The following CHST9 variants were observed in gnomAD, a reference collection of about 807,000 sequenced individuals.
The protein encoded by CHST9 is carbohydrate sulfotransferase 9.
A neutral mutation model predicts 44.4 loss-of-function variants in CHST9; 41 were observed. The observed-to-expected ratio is 0.92, with a 90% CI of 0.72 to 1.20. CHST9 has a LOEUF of 1.20. Ranked by LOEUF, CHST9 falls within the 50% of genes most tolerant of loss-of-function variation. The pLI, the probability that CHST9 is intolerant of heterozygous loss-of-function variation, is 0.00. For synonymous variants in CHST9, 171 were observed against 178.4 expected (o/e 0.96, Z 0.33); for missense variants, 504 against 516.5 (o/e 0.98, Z 0.23).
chr18:26,982,321 A>AAGCTAAACT (rs985436377), intron 4 of CHST9, among the ~76,000 whole-genome samples: 15 of 150,128 alleles, frequency 1.0e-4, no homozygotes, highest in African/African-American at 3.5e-4. Flanking sequence ...AAATTTATCA[A>AAGCTAAACT]AGCTAAACTC....
chr18:27,037,749 A>C (rs1369225881), intron 3 of CHST9, among the ~76,000 whole-genome samples: 1 of 152,118 alleles, frequency 6.6e-6, no homozygotes, highest in Non-Finnish European at 1.5e-5. Flanking sequence ...GATTGGAGAC[A>C]CCTGTTTGCT....
chr18:26,986,775 A>T (rs952608284), intron 4 of CHST9, among the ~76,000 whole-genome samples: 2 of 152,204 alleles, frequency 1.3e-5, no homozygotes, highest in African/African-American at 4.8e-5. Context: ...TCTTTGAGTA[A>T]CAACTCTATA....
chr18:27,062,940 G>A (rs1047180708), intron 2 of CHST9, among the ~76,000 whole-genome samples: 1 of 152,076 alleles, frequency 6.6e-6, no homozygotes, highest in African/African-American at 2.4e-5. Context: ...TTTTACTGCC[G>A]GGAGCCAACC....
At chr18:27,109,376 T>C (rs2058250184) in intron 2 of CHST9, among the ~76,000 whole-genome samples, 1 of 152,188 alleles carries the variant, frequency 6.6e-6, no homozygotes, top group Non-Finnish European at 1.5e-5. Flanking sequence ...TATTTTTCTA[T>C]GGTATGAAAA....
intron 1 of CHST9, among the ~76,000 whole-genome samples, chr18:27,157,178 T>C (rs955555204): frequency 6.6e-6 from 1 of 152,104 alleles, no homozygotes. Flanking sequence ...TAGCAGTCAA[T>C]ACCTATTTGG....
chr18:27,066,563 T>A (rs997067632), intron 2 of CHST9, among the ~76,000 whole-genome samples: 1 of 151,982 alleles, frequency 6.6e-6, no homozygotes, highest in East Asian at 1.9e-4. Flanking sequence ...CCCAAAAGAG[T>A]TGGGATTATA....
At chr18:27,114,648 T>A (rs2058304128) in intron 2 of CHST9, among the ~76,000 whole-genome samples, 1 of 152,218 alleles carries the variant, frequency 6.6e-6, no homozygotes, top group African/African-American at 2.4e-5. Flanking sequence ...ACTAATCTAC[T>A]TTCTGTCTCT....
At chr18:27,155,088 A>T (rs1048096546) in intron 1 of CHST9, among the ~76,000 whole-genome samples, 1 of 31,134 alleles carries the variant, frequency 3.2e-5, no homozygotes, top group African/African-American at 9.6e-5. Context: ...TCAAAAGTTA[A>T]AAAAAAAAAA....
intron 4 of CHST9, among the ~76,000 whole-genome samples, chr18:27,017,570 A>C (rs1034826833): frequency 1.3e-5 from 2 of 152,178 alleles, no homozygotes; most frequent in Non-Finnish European, 1.5e-5. Context: ...TGAAATATGT[A>C]AGAAGTGGTT....
intron 5 of CHST9, among the ~76,000 whole-genome samples, chr18:26,924,367 G>A (rs1357012331): frequency 6.6e-6 from 1 of 152,036 alleles, no homozygotes; most frequent in Admixed American, 6.6e-5. Context: ...GTGGGTGTGG[G>A]CATTCACTAT....
At chr18:26,988,452 A>T (rs145121000) in intron 4 of CHST9, among the ~76,000 whole-genome samples, 7 of 152,308 alleles carry the variant, frequency 4.6e-5, no homozygotes, top group Admixed American at 4.6e-4. Context: ...AGGTATAAAG[A>T]AGGTCATATC....
intron 4 of CHST9, chr18:26,952,307 A>C (rs2056260296): frequency 1.9e-6 from 1 of 517,624 alleles, no homozygotes; most frequent in South Asian, 1.4e-5. Flanking sequence ...TACAATCCCC[A>C]TTGTGGATCT....
At chr18:26,997,668 A>G (rs1425065792) in intron 4 of CHST9, among the ~76,000 whole-genome samples, 1 of 152,212 alleles carries the variant, frequency 6.6e-6, no homozygotes, top group African/African-American at 2.4e-5. Context: ...ATTCCACGAC[A>G]TCACCCTAGA....
At chr18:27,091,949 T>C (rs1305384251) in intron 2 of CHST9, among the ~76,000 whole-genome samples, 1 of 152,222 alleles carries the variant, frequency 6.6e-6, no homozygotes, top group Non-Finnish European at 1.5e-5. Context: ...ATCAGGATGA[T>C]GTTGGCTTCA....
chr18:26,945,799 G>A (rs1174564617), intron 4 of CHST9, among the ~76,000 whole-genome samples: 1 of 152,030 alleles, frequency 6.6e-6, no homozygotes, highest in African/African-American at 2.4e-5. Flanking sequence ...GACATTGCTG[G>A]GTTATATAAT....
At chr18:26,930,012 C>G (rs1440317948) in intron 5 of CHST9, among the ~76,000 whole-genome samples, 4 of 152,184 alleles carry the variant, frequency 2.6e-5, no homozygotes, top group African/African-American at 9.7e-5. Flanking sequence ...GCACTCCATT[C>G]GTCTCACTGG....
intron 3 of CHST9, among the ~76,000 whole-genome samples, chr18:27,043,932 G>A (rs2057471801): frequency 6.6e-6 from 1 of 151,976 alleles, no homozygotes; most frequent in Non-Finnish European, 1.5e-5. Flanking sequence ...AAATCACTAA[G>A]CTTTCCCTCA....
intron 5 of CHST9, chr18:26,933,241 T>C (rs934395541): frequency 7.2e-5 from 11 of 153,686 alleles, no homozygotes; most frequent in Admixed American, 2.0e-4. Flanking sequence ...CTTGCAACTG[T>C]AAGTTGATCT....
chr18:26,974,679 CT>C (rs112747846), intron 4 of CHST9, among the ~76,000 whole-genome samples: 178 of 141,876 alleles, frequency 1.3e-3, no homozygotes, highest in Non-Finnish European at 1.3e-3. Flanking sequence ...TTTTTTTTTC[CT>C]TTTTTTTTTT....
Sources: gnomAD v4.1 joint callset for allele counts (sites outside exome capture counted in the v4.1 genomes callset) on GRCh38, gnomAD v4.1.1 for gene constraint, MANE v1.5 for transcripts, NCBI Gene and HGNC (gene_info 2026-07-23, HGNC 2026-07-21) for gene names.